The following FHIT variants were observed in gnomAD, a reference collection of about 807,000 sequenced individuals.
The protein encoded by FHIT is bis(5'-adenosyl)-triphosphatase.
In FHIT, 19 loss-of-function variants were observed where a neutral mutation model predicts 17.9. The ratio of observed to expected loss-of-function variants is 1.06; its 90% CI spans 0.74 to 1.56. The LOEUF is 1.56. Among genes scored for constraint, FHIT ranks in the 40% most tolerant of loss-of-function variants. FHIT has a pLI of 0.00. For missense variants in FHIT, 248 were observed against 189.2 expected, an observed-to-expected ratio of 1.31 and a Z score of -1.82; for synonymous variants, 81 against 69.7, an observed-to-expected ratio of 1.16 and a Z score of -0.81.
intron 5 of FHIT, among the ~76,000 whole-genome samples, chr3:60,467,334 A>G (rs112087330): frequency 7.3e-5 from 11 of 151,614 alleles, no homozygotes; most frequent in African/African-American, 2.7e-4. Context: ...TTTCATTTCA[A>G]TTTCATTTAT....
chr3:61,247,613 T>A (rs990636472), intron 1 of FHIT, among the ~76,000 whole-genome samples: 2 of 152,246 alleles, frequency 1.3e-5, no homozygotes, highest in African/African-American at 2.4e-5. Context: ...CAAGACAGGT[T>A]ATCAAGAGTT....
intron 5 of FHIT, among the ~76,000 whole-genome samples, chr3:60,207,287 T>C (rs1386425810): frequency 6.6e-6 from 1 of 152,150 alleles, no homozygotes. Flanking sequence ...TCTAGAAAGT[T>C]TTATTTTGAT....
chr3:60,106,264 C>T (rs957659571), intron 5 of FHIT, among the ~76,000 whole-genome samples: 9 of 152,018 alleles, frequency 5.9e-5, no homozygotes, highest in Non-Finnish European at 1.3e-4. Context: ...AGGAAAAGTC[C>T]CAAAGTATCT....
intron 1 of FHIT, among the ~76,000 whole-genome samples, chr3:61,243,239 C>T (rs2040414110): frequency 1.3e-5 from 2 of 152,168 alleles, no homozygotes; most frequent in Non-Finnish European, 2.9e-5. Flanking sequence ...AGCCCCCAGA[C>T]CTAACCACCT....
At chr3:60,860,987 A>T (rs186812819) in intron 3 of FHIT, among the ~76,000 whole-genome samples, 1 of 95,556 alleles carries the variant, frequency 1.0e-5, no homozygotes, top group Non-Finnish European at 2.3e-5. Flanking sequence ...TATGATACAT[A>T]TATACGTATA....
intron 5 of FHIT, among the ~76,000 whole-genome samples, chr3:60,052,882 A>G (rs1156905031): frequency 6.6e-6 from 1 of 151,498 alleles, no homozygotes; most frequent in Non-Finnish European, 1.5e-5. Context: ...AACTTACACT[A>G]ACAAAGTATG....
intron 8 of FHIT, among the ~76,000 whole-genome samples, chr3:59,894,934 C>A (rs932700928): frequency 6.6e-6 from 1 of 152,204 alleles, no homozygotes; most frequent in African/African-American, 2.4e-5. Context: ...TCAAACCTGG[C>A]AGGTGATGAG....
intron 8 of FHIT, among the ~76,000 whole-genome samples, chr3:59,779,524 T>C (rs1702475596): frequency 6.6e-6 from 1 of 152,232 alleles, no homozygotes. Flanking sequence ...TTTAGTTACA[T>C]GAGGCAGGCA....
intron 8 of FHIT, among the ~76,000 whole-genome samples, chr3:59,910,928 C>G (rs1383502726): frequency 6.6e-6 from 1 of 152,150 alleles, no homozygotes; most frequent in African/African-American, 2.4e-5. Flanking sequence ...GTTTTGCAGA[C>G]TTGTAGCCCA....
intron 2 of FHIT, among the ~76,000 whole-genome samples, chr3:61,151,478 A>G (rs920224853): frequency 3.9e-5 from 6 of 152,080 alleles, no homozygotes; most frequent in Admixed American, 3.3e-4. Flanking sequence ...ATTAATATGT[A>G]TCCAAAGGTT....
At chr3:60,238,515 A>G (rs1218998171) in intron 5 of FHIT, among the ~76,000 whole-genome samples, 1 of 151,590 alleles carries the variant, frequency 6.6e-6, no homozygotes, top group African/African-American at 2.4e-5. Flanking sequence ...AAAATGCTGA[A>G]AAGCATAAAA....
At chr3:61,210,766 T>C (rs1278842771) in intron 1 of FHIT, among the ~76,000 whole-genome samples, 2 of 151,946 alleles carry the variant, frequency 1.3e-5, no homozygotes, top group Admixed American at 1.3e-4. Flanking sequence ...GATAAGGCAA[T>C]GCCTCGCCCT....
At chr3:61,093,206 A>G (rs545352261) in intron 2 of FHIT, among the ~76,000 whole-genome samples, 20 of 152,334 alleles carry the variant, frequency 1.3e-4, no homozygotes, top group Admixed American at 4.6e-4. Context: ...CTGGCAAACA[A>G]TGAGCACACA....
chr3:59,860,272 A>G (rs911633786), intron 8 of FHIT, among the ~76,000 whole-genome samples: 4 of 152,190 alleles, frequency 2.6e-5, no homozygotes, highest in Non-Finnish European at 5.9e-5. Flanking sequence ...CAGGAATGCA[A>G]ATGAGAATGG....
At chr3:60,386,299 T>C (rs2687168) in intron 5 of FHIT, among the ~76,000 whole-genome samples, 2 of 151,414 alleles carry the variant, frequency 1.3e-5, no homozygotes, top group Non-Finnish European at 3.0e-5. Context: ...GCAACCACCA[T>C]CTGTGAGCTG....
chr3:61,129,077 G>T (rs1324710339), intron 2 of FHIT, among the ~76,000 whole-genome samples: 1 of 152,072 alleles, frequency 6.6e-6, no homozygotes, highest in Non-Finnish European at 1.5e-5. Flanking sequence ...AGTCTCAAAG[G>T]CCTCAATAAT....
At chr3:60,327,516 A>C (rs757611651) in intron 5 of FHIT, among the ~76,000 whole-genome samples, 1 of 152,220 alleles carries the variant, frequency 6.6e-6, no homozygotes, top group Non-Finnish European at 1.5e-5. Context: ...AGAGGACCAG[A>C]TGTGGCCCAG....
chr3:61,027,185 C>T (rs1006610132), intron 3 of FHIT, among the ~76,000 whole-genome samples: 11 of 152,072 alleles, frequency 7.2e-5, no homozygotes, highest in Non-Finnish European at 1.5e-4. Flanking sequence ...CTCCTGTGTT[C>T]AAGTGATTCT....
chr3:59,829,576 G>C (rs1358155857), intron 8 of FHIT, among the ~76,000 whole-genome samples: 2 of 152,226 alleles, frequency 1.3e-5, no homozygotes, highest in African/African-American at 2.4e-5. Flanking sequence ...ACTGGATTCG[G>C]TGGTATGGAA....
Sources: allele counts gnomAD v4.1 joint callset (sites outside exome capture counted in the v4.1 genomes callset), GRCh38; gene constraint gnomAD v4.1.1; transcripts MANE v1.5; gene names NCBI Gene and HGNC (gene_info 2026-07-23, HGNC 2026-07-21).